The following AKAP12 variants were observed in gnomAD, a reference collection of about 807,000 sequenced individuals.
AKAP12 encodes the protein A-kinase anchoring protein 12.
In AKAP12, 32 loss-of-function variants were observed where a neutral mutation model predicts 79.9. The observed-to-expected ratio is 0.40, with a 90% CI of 0.30 to 0.54. AKAP12 has a LOEUF of 0.54. Ranked by LOEUF, AKAP12 falls within the 20% of genes least tolerant of loss-of-function variation. The probability of loss-of-function intolerance (pLI) is 0.48; values close to 1 mark genes in which losing one functional copy is unlikely to be tolerated. For synonymous variants in AKAP12, 808 were observed against 857.0 expected, an observed-to-expected ratio of 0.94 and a Z score of 1.00; for missense variants, 2,074 against 2,177.0, an observed-to-expected ratio of 0.95 and a Z score of 0.94.
intron 3 of AKAP12, among the ~76,000 whole-genome samples, chr6:151,321,207 G>C (rs1777376374): frequency 6.6e-6 from 1 of 152,064 alleles, no homozygotes; most frequent in African/African-American, 2.4e-5. Flanking sequence ...GGCTGGTCTT[G>C]AACTCCTGAC....
At chr6:151,245,420 C>A (rs1009885820) in intron 2 of AKAP12, among the ~76,000 whole-genome samples, 1 of 151,868 alleles carries the variant, frequency 6.6e-6, no homozygotes, top group East Asian at 1.9e-4. Context: ...CTCAGCTTTC[C>A]GAGTCGCTGG....
intron 2 of AKAP12, among the ~76,000 whole-genome samples, chr6:151,252,392 C>T (rs4313009): frequency 0.051 from 7,694 of 152,024 alleles, 361 homozygotes; most frequent in East Asian, 0.23. Flanking sequence ...GACAGAGTTT[C>T]AGTATGTTGG....
chr6:151,319,509 T>C (rs1252399293), intron 3 of AKAP12: 3 of 115,174 alleles, frequency 2.6e-5, no homozygotes, highest in African/African-American at 3.6e-5. Flanking sequence ...TATCTAGATA[T>C]AGATATATCT....
At chr6:151,331,291 TAAA>T (rs1473215658) in intron 3 of AKAP12, among the ~76,000 whole-genome samples, 1 of 152,192 alleles carries the variant, frequency 6.6e-6, no homozygotes, top group Non-Finnish European at 1.5e-5. Context: ...TTTAAAATAT[TAAA>T]AAGCACCTAG....
At chr6:151,277,176 C>T (rs1032571316) in intron 2 of AKAP12, among the ~76,000 whole-genome samples, 2 of 152,110 alleles carry the variant, frequency 1.3e-5, no homozygotes, top group African/African-American at 2.4e-5. Context: ...AGATGTCCAC[C>T]GTAGCAGATG....
intron 2 of AKAP12, among the ~76,000 whole-genome samples, chr6:151,252,485 C>T (rs944239825): frequency 1.3e-5 from 2 of 151,950 alleles, no homozygotes; most frequent in African/African-American, 4.8e-5. Flanking sequence ...CATGAGCCAC[C>T]GTGCCTGGCC....
intron 3 of AKAP12, among the ~76,000 whole-genome samples, chr6:151,344,295 A>G (rs1013867368): frequency 2.0e-5 from 3 of 152,216 alleles, no homozygotes; most frequent in Non-Finnish European, 4.4e-5. Flanking sequence ...GCTGTTACAG[A>G]TGGTGAGTCT....
chr6:151,341,915 C>A (rs1777960848), intron 3 of AKAP12: 2 of 605,634 alleles, frequency 3.3e-6, no homozygotes, highest in Non-Finnish European at 4.8e-6. Flanking sequence ...GGCTGTAGAG[C>A]CGCCCGCTGC....
Position 151,349,149 on chromosome 6 carries a change from C to T in AKAP12, c.758C>T (p.Ser253Phe). The change falls in exon 4 of 5, where the codon TCT (serine) becomes TTT (phenylalanine). Residue 253 changes from serine (S) to phenylalanine (F), a missense_variant. Ser to Phe is a radical substitution (Grantham distance 155). Around this residue, in one of 3 missense-constraint regions of AKAP12, gnomAD observed 1,428 missense variants for 1,451.0 expected, o/e 0.98. Transcript: ENST00000402676. Reference sequence around the variant, plus strand: ...CGTGAGCAAAGCCACGCAGAAATTTCTCCCCCAGCCGAATCTGGCCAAGCA... The same window carrying T: ...CGTGAGCAAAGCCACGCAGAAATTTTTCCCCCAGCCGAATCTGGCCAAGCA... ...LKREQSHAEI[S>F]PPAESGQAVE... is the part of the protein sequence containing the mutation. The T allele has an allele frequency of 6.2e-7, 1 of 1,613,784 alleles. No individual in the cohort carries two copies. The highest frequency in any genetic ancestry group is 8.5e-7 in the Non-Finnish European group (1 of 1,180,028).
intron 2 of AKAP12, among the ~76,000 whole-genome samples, chr6:151,296,286 T>C (rs534773607): frequency 1.4e-4 from 22 of 152,314 alleles, no homozygotes; most frequent in African/African-American, 4.8e-4. Flanking sequence ...TGGAGAGAGC[T>C]TTTGACTCTA....
chr6:151,248,718 G>A (rs973050950), intron 2 of AKAP12, among the ~76,000 whole-genome samples: 4 of 152,170 alleles, frequency 2.6e-5, no homozygotes, highest in Admixed American at 6.5e-5. Flanking sequence ...GGCCGGGCAT[G>A]GTGGCTCACG....
chr6:151,256,081 T>C (rs1309047703), intron 2 of AKAP12, among the ~76,000 whole-genome samples: 3 of 152,088 alleles, frequency 2.0e-5, no homozygotes, highest in African/African-American at 7.2e-5. Context: ...AAAGGTGGCA[T>C]AGAGAAATTT....
Position 151,352,040 on chromosome 6 carries a change from C to A in AKAP12, c.3649C>A (p.Gln1217Lys), listed in dbSNP as rs1241987100. 6.2e-7 allele frequency: 1 copy of A among 1,613,886 alleles called. No homozygotes were observed. The highest frequency in any genetic ancestry group is 1.3e-5 in the African/African-American group (1 of 74,858). Residue 1217 changes from glutamine (Q) to lysine (K), a missense_variant, in exon 4 of 5, where the codon CAG becomes AAG. Physicochemically the swap from Gln to Lys is moderately conservative, Grantham distance 53 (BLOSUM62 1). Coordinates refer to ENST00000402676, the MANE Select transcript of AKAP12 (RefSeq NM_005100.4). The stretch of plus-strand genomic sequence containing the variant: ...CACAGAAGCAGAGGCAGTTCCTGCA[C>A]AGAAAGAGAGGCCTCCAGCACCTTC... ...GGTEAEAVPAQKERPPAPSSF... is the reference protein window; with the variant it reads ...GGTEAEAVPAKKERPPAPSSF...
chr6:151,344,019 T>A (rs1374173145), intron 3 of AKAP12: 11 of 410,866 alleles, frequency 2.7e-5, no homozygotes, highest in Non-Finnish European at 4.6e-5. Context: ...TCTTTGAATA[T>A]TTGCTTCAAA....
intron 3 of AKAP12, among the ~76,000 whole-genome samples, chr6:151,314,323 G>C (rs1396948531): frequency 6.6e-6 from 1 of 151,988 alleles, no homozygotes; most frequent in Non-Finnish European, 1.5e-5. Flanking sequence ...CACCGCACCC[G>C]GCCTCTAATC....
At chr6:151,321,911 T>TGTTTTTTG (rs1424486387) in intron 3 of AKAP12, among the ~76,000 whole-genome samples, 29 of 144,526 alleles carry the variant, frequency 2.0e-4, no homozygotes, top group African/African-American at 5.6e-4. Context: ...ATGTTTTTTT[T>TGTTTTTTG]TTTTTTTTTT....
In AKAP12 at chr6:151,240,443, C is replaced by G. The variant is rs981118215; in HGVS notation, c.-120C>G. 1 of 1,122,926 alleles carries G rather than the reference C, an allele frequency of 8.9e-7. No individual in the cohort carries two copies. Among genetic ancestry groups the G allele is most frequent in the Non-Finnish European group, 1.1e-6 (1 of 876,866 alleles). 69.6% of individuals were successfully genotyped at this position (1,122,926 alleles called of 1,614,324 possible). ...GCTGGGCGCGTTCGCAGTCGGCTGGCGGCGAAGGAAGGCGCTCTCGGGACC... is the reference window on the plus strand; with the variant it reads ...GCTGGGCGCGTTCGCAGTCGGCTGGGGGCGAAGGAAGGCGCTCTCGGGACC... On this transcript the variant is annotated 5_prime_UTR_variant, in exon 2 of 5. Transcript: ENST00000402676.
chr6:151,355,040 G>A (rs768726069), intron 4 of AKAP12, among the ~76,000 whole-genome samples: 1 of 151,694 alleles, frequency 6.6e-6, no homozygotes, highest in Non-Finnish European at 1.5e-5. Context: ...CTGTCACCCC[G>A]ACTGGAGTGC....
chr6:151,308,877 TGTTTA>T (rs747985680), intron 3 of AKAP12, among the ~76,000 whole-genome samples: 58 of 152,312 alleles, frequency 3.8e-4, no homozygotes, highest in Non-Finnish European at 7.5e-4. Context: ...GTTAGGTTTT[TGTTTA>T]GTTTTGTTTT....
Sources: allele counts gnomAD v4.1 joint callset (sites outside exome capture counted in the v4.1 genomes callset), GRCh38; gene constraint gnomAD v4.1.1; regional missense constraint gnomAD v4.1.1; transcripts MANE v1.5; gene names NCBI Gene and HGNC (gene_info 2026-07-23, HGNC 2026-07-21).